Variants in DISP1 observed in about 807,000 individuals in gnomAD.
DISP1 encodes the protein dispatched RND transporter family member 1, also known as protein dispatched homolog 1.
Under a neutral mutation model 37.3 loss-of-function variants are expected in DISP1, and 30 were observed. That is an observed-to-expected ratio of 0.80 (90% CI 0.60 to 1.09). The LOEUF is 1.09. Ranked by LOEUF, DISP1 falls within the 50% of genes least tolerant of loss-of-function variation. The pLI, the probability that DISP1 is intolerant of heterozygous loss-of-function variation, is 0.00. For missense variants in DISP1, 1,598 were observed against 1,879.5 expected (o/e 0.85, Z 2.77); for synonymous variants, 634 against 690.2 (o/e 0.92, Z 1.28).
chr1:222,896,788 C>T (rs1341930683), intron 1 of DISP1, among the ~76,000 whole-genome samples: 1 of 151,690 alleles, frequency 6.6e-6, no homozygotes, highest in East Asian at 1.9e-4. Context: ...GGCCAATAAG[C>T]ACATGGAAAG....
intron 1 of DISP1, among the ~76,000 whole-genome samples, chr1:222,881,655 G>A (rs1056840780): frequency 6.6e-6 from 1 of 152,140 alleles, no homozygotes; most frequent in South Asian, 2.1e-4. Context: ...TAATGGATTC[G>A]TTGGCAAGGG....
intron 7 of DISP1, among the ~76,000 whole-genome samples, chr1:222,993,350 T>C (rs1678838746): frequency 6.6e-6 from 1 of 152,238 alleles, no homozygotes; most frequent in Non-Finnish European, 1.5e-5. Flanking sequence ...GTGATTAGGA[T>C]TGAGGAATTG....
chr1:222,867,453 T>C (rs1187441123), intron 1 of DISP1, among the ~76,000 whole-genome samples: 1 of 152,206 alleles, frequency 6.6e-6, no homozygotes, highest in African/African-American at 2.4e-5. Context: ...AAAATATTTT[T>C]TCTTTTAATA....
intron 3 of DISP1, chr1:222,979,477 CA>C: frequency 3.5e-6 from 1 of 285,780 alleles, no homozygotes; most frequent in Non-Finnish European, 7.5e-6. Context: ...TTGCATAACT[CA>C]TGAAAGTACT....
intron 3 of DISP1, among the ~76,000 whole-genome samples, chr1:222,957,748 TC>T (rs1213721307): frequency 6.6e-6 from 1 of 152,180 alleles, no homozygotes; most frequent in Non-Finnish European, 1.5e-5. Flanking sequence ...TCAAGATCTC[TC>T]CCCTATTCCT....
At chr1:222,999,566 C>T (rs1190060279) in intron 8 of DISP1, among the ~76,000 whole-genome samples, 5 of 152,104 alleles carry the variant, frequency 3.3e-5, no homozygotes, top group Non-Finnish European at 7.4e-5. Context: ...CAGATAATAC[C>T]ATACTTCTCG....
intron 1 of DISP1, among the ~76,000 whole-genome samples, chr1:222,915,093 C>CT (rs1217168124): frequency 2.6e-5 from 4 of 152,202 alleles, no homozygotes; most frequent in African/African-American, 9.6e-5. Context: ...TGGACACTGT[C>CT]TGAGTCGCTG....
At chr1:222,890,003 G>A (rs532908494) in intron 1 of DISP1, among the ~76,000 whole-genome samples, 1 of 152,210 alleles carries the variant, frequency 6.6e-6, no homozygotes, top group South Asian at 2.1e-4. Context: ...ATTTACTTTA[G>A]CATATGAAAG....
intron 1 of DISP1, among the ~76,000 whole-genome samples, chr1:222,867,412 G>A (rs968860372): frequency 1.3e-5 from 2 of 152,056 alleles, no homozygotes; most frequent in African/African-American, 4.8e-5. Context: ...TCTTGTGGAG[G>A]TACTTAAGTG....
At chr1:222,826,361 C>T (rs1664390024) in intron 1 of DISP1, among the ~76,000 whole-genome samples, 1 of 149,478 alleles carries the variant, frequency 6.7e-6, no homozygotes, top group Non-Finnish European at 1.5e-5. Context: ...TTTGTAGTCT[C>T]CTTTACACTT....
chr1:222,825,537 G>A (rs1664142292), intron 1 of DISP1, among the ~76,000 whole-genome samples: 2 of 133,464 alleles, frequency 1.5e-5, no homozygotes, highest in Admixed American at 8.5e-5. Context: ...GTCTCACTCT[G>A]TCACCCAGGC....
chr1:223,005,468 C>T lies in DISP1; in HGVS notation c.4071C>T (p.Leu1357=). The T allele has an allele frequency of 6.2e-7, 1 of 1,613,716 alleles. No homozygotes were observed. Among genetic ancestry groups the T allele is most frequent in the Non-Finnish European group, 8.5e-7 (1 of 1,180,018 alleles). ...ATTCTCTGCCTAGGAATTTTTTCCT[C>T]CACCCAGTGCAGCACATTCAGGCCC... is the stretch of plus-strand genomic sequence containing the variant. The part of the protein sequence containing the change: ...MQNSLPRNFF[L]HPVQHIQAQE... The change falls in exon 9 of 9, where the codon CTC becomes CTT. Residue 1357 remains leucine (L), a synonymous_variant. Coordinates refer to ENST00000675850, the MANE Select transcript of DISP1 (RefSeq NM_001377229.1).
At chr1:222,918,907 C>G (rs562321449) in intron 1 of DISP1, among the ~76,000 whole-genome samples, 1 of 152,292 alleles carries the variant, frequency 6.6e-6, no homozygotes, top group South Asian at 2.1e-4. Context: ...GCCACAAAAG[C>G]CTTTGCTTTT....
chr1:222,962,607 G>C lies in DISP1; in HGVS notation c.509+19275G>C, dbSNP rs144520212. Reference sequence around the variant, plus strand: ...ATATAGACCACTGTAACAGAACAGAGACCCCAGATATAACACCACACATGT... The same window carrying C: ...ATATAGACCACTGTAACAGAACAGACACCCCAGATATAACACCACACATGT... On this transcript the variant is annotated intron_variant, in intron 3 of 8. Coordinates refer to ENST00000675850, the MANE Select transcript of DISP1 (RefSeq NM_001377229.1). 9.2e-5 allele frequency among the ~76,000 whole-genome samples: 14 copies of C among 152,232 alleles called. No individual in the cohort carries two copies. The East Asian group carries it at 1.5e-3, about 17-fold the overall frequency.
At chr1:222,912,412 C>T (rs1672259730) in intron 1 of DISP1, among the ~76,000 whole-genome samples, 1 of 152,124 alleles carries the variant, frequency 6.6e-6, no homozygotes, top group African/African-American at 2.4e-5. Flanking sequence ...TGTCCTCTCC[C>T]CTCAGTTTCC....
chr1:222,993,105 A>T (rs1204261783), intron 7 of DISP1, among the ~76,000 whole-genome samples: 1 of 151,932 alleles, frequency 6.6e-6, no homozygotes, highest in Non-Finnish European at 1.5e-5. Flanking sequence ...AACTTAGGTG[A>T]CCATACCGCC....
At position 223,002,595 on chromosome 1, in the gene DISP1, G is replaced by A. The variant is rs538321379; in HGVS notation, c.1198G>A (p.Asp400Asn). ...QNGTLGPDCW[D>N]MAARRKDQLK... ...TGGCACTCTGGGGCCAGACTGCTGGGACATGGCAGCCAGAAGAAAGGACCA... is the reference window on the plus strand; with the variant it reads ...TGGCACTCTGGGGCCAGACTGCTGGAACATGGCAGCCAGAAGAAAGGACCA... The change falls in exon 9 of 9, where the codon GAC becomes AAC. Residue 400 changes from aspartate to asparagine, a missense_variant. Transcript: ENST00000675850. The A allele has an allele frequency of 9.3e-6, 15 of 1,614,214 alleles. No individual in the cohort carries two copies. The East Asian group carries it at 3.1e-4, about 34-fold the overall frequency.
At chr1:222,924,294 A>T (rs1433877351) in intron 1 of DISP1, among the ~76,000 whole-genome samples, 1 of 152,082 alleles carries the variant, frequency 6.6e-6, no homozygotes, top group Admixed American at 6.6e-5. Flanking sequence ...TAAAATTGGG[A>T]TTTATCTTAT....
chr1:222,817,804 C>T (rs748589795), intron 1 of DISP1, among the ~76,000 whole-genome samples: 1 of 152,320 alleles, frequency 6.6e-6, no homozygotes, highest in South Asian at 2.1e-4. Flanking sequence ...TAGTAGGGCC[C>T]TGTCCATTCT....
Sources: allele counts gnomAD v4.1 joint callset (sites outside exome capture counted in the v4.1 genomes callset), GRCh38; gene constraint gnomAD v4.1.1; transcripts MANE v1.5; gene names NCBI Gene and HGNC (gene_info 2026-07-23, HGNC 2026-07-21).